Variants in ADGRG1 observed in about 807,000 individuals in gnomAD.
ADGRG1 encodes 7-transmembrane protein with no EGF-like N-terminal domains-1.
Under a neutral mutation model 73.5 loss-of-function variants are expected in ADGRG1, and 53 were observed. The observed-to-expected ratio is 0.72, with a 90% confidence interval of 0.58 to 0.91. The LOEUF (loss-of-function observed/expected upper bound fraction) is 0.91. ADGRG1 is among the 40% of genes least tolerant of loss of function. ADGRG1 has a pLI of 0.00. For missense variants in ADGRG1, 795 were observed against 871.8 expected, an observed-to-expected ratio of 0.91 and a Z score of 1.11; for synonymous variants, 394 against 374.4, an observed-to-expected ratio of 1.05 and a Z score of -0.60.
At chr16:57,648,360 G>C (rs778902155) in intron 1 of ADGRG1, 1 of 607,036 alleles carries the variant, frequency 1.6e-6, no homozygotes, top group South Asian at 7.1e-5. Context: ...CTGGGAAATG[G>C]TGCCCTTCCC....
At chr16:57,662,890 C>T (rs1377248353) in intron 13 of ADGRG1, 2 of 983,304 alleles carry the variant, frequency 2.0e-6, no homozygotes, top group Admixed American at 1.2e-4. Flanking sequence ...GGTTCAAGGC[C>T]AGCCTCCCAT....
chr16:57,629,843 C>G (rs1002752162), intron 1 of ADGRG1: 2 of 180,080 alleles, frequency 1.1e-5, no homozygotes, highest in South Asian at 3.7e-4. Context: ...TGTCCTCCCC[C>G]GTCCCCAACC....
chr16:57,661,850 G>C lies in ADGRG1; in HGVS notation c.1818G>C (p.Leu606=), dbSNP rs764805771. 1 of 1,614,220 alleles carries C rather than the reference G, an allele frequency of 6.2e-7. No individual in the cohort carries two copies. Among genetic ancestry groups the C allele is most frequent in the Non-Finnish European group, 8.5e-7 (1 of 1,180,000 alleles). Residue 606 remains leucine, a synonymous_variant, in exon 13 of 14, where the codon CTG becomes CTC. Coordinates refer to ENST00000562631, the MANE Select transcript of ADGRG1 (RefSeq NM_201525.4). Reference sequence around the variant, plus strand: ...AAAAGTGGTCACATGTGCTGACACTGCTGGGCCTCAGCCTGGTCCTTGGCC... The same window carrying C: ...AAAAGTGGTCACATGTGCTGACACTCCTGGGCCTCAGCCTGGTCCTTGGCC... ...HTQKWSHVLT[L]LGLSLVLGLP...
In ADGRG1 at chr16:57,657,377, C is replaced by A; in HGVS notation, c.1172C>A (p.Ser391Tyr). The A allele has an allele frequency of 6.2e-7, 1 of 1,614,064 alleles. No individual in the cohort carries two copies. Among genetic ancestry groups the A allele is most frequent in the South Asian group, 1.1e-5 (1 of 91,080 alleles). Reference sequence around the variant, plus strand: ...TCTCCTGTCTCCTGGGGCCAGGTCTCCTCGGTGGAGGTGGACGCCGTGCAC... The same window carrying A: ...TCTCCTGTCTCCTGGGGCCAGGTCTACTCGGTGGAGGTGGACGCCGTGCAC... Reference protein sequence around the residue: ...HLTYFAVLMVSSVEVDAVHKH... With the variant: ...HLTYFAVLMVYSVEVDAVHKH... Residue 391 changes from serine to tyrosine, a missense_variant, in exon 10 of 14, where the codon TCC (serine) becomes TAC (tyrosine). Transcript: ENST00000562631.
In ADGRG1 at chr16:57,634,316, G is replaced by A. The variant is rs957261468; in HGVS notation, c.-36+5514G>A. On this transcript the variant is annotated intron_variant, in intron 1 of 13. Coordinates refer to ENST00000562631, the MANE Select transcript of ADGRG1 (RefSeq NM_201525.4). ...CCTGCTTTGATGGTGACAGATGCTA[G>A]GGGTGAGCCCAAGGGGCTGGCAGGG... 2.5e-5 allele frequency: 25 copies of A among 985,298 alleles called. No individual in the cohort carries two copies. In the African/African-American group the frequency reaches 3.8e-4, roughly 15 times the overall value. 61.0% of individuals were successfully genotyped at this position (985,298 alleles called of 1,614,324 possible).
intron 8 of ADGRG1, 64 bp from the exon 9 acceptor site, chr16:57,656,450 G>C: frequency 1.3e-6 from 2 of 1,590,126 alleles, no homozygotes; most frequent in Non-Finnish European, 1.7e-6. Context: ...TGCTTTTGGG[G>C]GTGGACACAG....
intron 11 of ADGRG1, chr16:57,660,524 C>A: frequency 1.4e-6 from 1 of 730,538 alleles, no homozygotes; most frequent in Non-Finnish European, 1.7e-6. Context: ...CTCCCAGGGG[C>A]CCCCAGGGTG....
At chr16:57,628,388 A>G (rs73550506), upstream of ADGRG1, 7,260 of 431,410 alleles carry the variant, frequency 0.017, 469 homozygotes, top group African/African-American at 0.14. Context: ...GTCCCTGAAC[A>G]CTGTCTGCCT....
chr16:57,656,079 A>G, intron 7 of ADGRG1, 87 bp downstream of exon 7: 1 of 1,613,504 alleles, frequency 6.2e-7, no homozygotes, highest in Non-Finnish European at 8.5e-7. Context: ...ATTTGTCTTT[A>G]TAATGAAACG....
At chr16:57,635,574 C>T (rs540049917) in intron 1 of ADGRG1, 68 of 985,336 alleles carry the variant, frequency 6.9e-5, no homozygotes, top group Middle Eastern at 5.2e-4. Flanking sequence ...TTAGTGATTG[C>T]GATCTAGGAA....
At chr16:57,663,099 T>C in intron 13 of ADGRG1, 1 of 983,506 alleles carries the variant, frequency 1.0e-6, no homozygotes, top group Non-Finnish European at 1.2e-6. Flanking sequence ...GTGCAAAATC[T>C]CACAGTGCTT....
chr16:57,648,025 G>A (rs891577864), intron 1 of ADGRG1: 2 of 152,468 alleles, frequency 1.3e-5, no homozygotes, highest in Non-Finnish European at 2.9e-5. Flanking sequence ...GAGATGCATG[G>A]ATTCTGGCCA....
intron 1 of ADGRG1, chr16:57,637,272 G>A (rs2039596519): frequency 1.0e-6 from 1 of 979,812 alleles, no homozygotes; most frequent in Non-Finnish European, 1.2e-6. Flanking sequence ...TGTTGTAGGT[G>A]TGAAGTAAGA....
chr16:57,628,917 AGTGAGTGTGAGTGTGAGT>A (rs1270499487), intron 1 of ADGRG1, 115 bp downstream of exon 1: 1 of 735,656 alleles, frequency 1.4e-6, no homozygotes, highest in Non-Finnish European at 1.6e-6. Context: ...AGTGTGTGAG[AGTGAGTGTGAGTGTGAGT>A]GTGAGCGTGA....
intron 1 of ADGRG1, among the ~76,000 whole-genome samples, chr16:57,649,002 T>C (rs1213258728): frequency 6.6e-6 from 1 of 152,214 alleles, no homozygotes; most frequent in African/African-American, 2.4e-5. Context: ...GGAGTGGGAA[T>C]CAATGCAGAT....
At chr16:57,662,094 G>T in intron 13 of ADGRG1, 129 bp downstream of exon 13, 1 of 790,318 alleles carries the variant, frequency 1.3e-6, no homozygotes, top group East Asian at 2.5e-5. Context: ...CATAAAATGG[G>T]GACATCCAGG....
At chr16:57,655,749 G>A in intron 6 of ADGRG1, 127 bp from the exon 7 acceptor site, 1 of 1,607,876 alleles carries the variant, frequency 6.2e-7, no homozygotes, top group Non-Finnish European at 8.5e-7. Flanking sequence ...TGGTTCCAGA[G>A]GGAGACGCAG....
chr16:57,658,242 G>A lies in ADGRG1; in HGVS notation c.1286+751G>A, dbSNP rs118159086. On this transcript the variant is annotated intron_variant, in intron 10 of 13. Coordinates refer to ENST00000562631, the MANE Select transcript of ADGRG1 (RefSeq NM_201525.4). Reference sequence around the variant, plus strand: ...ATACTTAACGTGTGTCAAACTTCCCGTGTGCCATGCACTGTTCTAAGTGTT... The same window carrying A: ...ATACTTAACGTGTGTCAAACTTCCCATGTGCCATGCACTGTTCTAAGTGTT... 8.5e-5 allele frequency among the ~76,000 whole-genome samples: 13 copies of A among 152,298 alleles called. No individual in the cohort carries two copies. In the East Asian group the frequency reaches 1.7e-3, roughly 20 times the overall value.
In ADGRG1 at chr16:57,662,228, G is replaced by A. The variant is rs367870259; in HGVS notation, c.1933+263G>A. On this transcript the variant is annotated intron_variant, in intron 13 of 13. Coordinates refer to ENST00000562631, the MANE Select transcript of ADGRG1 (RefSeq NM_201525.4). The stretch of plus-strand genomic sequence containing the variant: ...TTTGGAACTCAGCTCTACTGGGGAA[G>A]ACTGCGCATGAGCAGGCAAGCATAT... Among the ~76,000 whole-genome samples, 268 of 152,300 alleles carry A rather than the reference G, an allele frequency of 1.8e-3. 3 individuals carry two copies. In the South Asian group the frequency reaches 0.032, roughly 18 times the overall value.
Sources: allele counts gnomAD v4.1 joint callset (sites outside exome capture counted in the v4.1 genomes callset), GRCh38; gene constraint gnomAD v4.1.1; transcripts MANE v1.5; gene names NCBI Gene and HGNC (gene_info 2026-07-23, HGNC 2026-07-21).